Variants in KCTD14 observed in about 807,000 individuals in gnomAD.
The protein encoded by KCTD14 is BTB/POZ domain-containing protein KCTD14.
A neutral mutation model predicts 5.9 loss-of-function variants in KCTD14; 7 were observed. The observed-to-expected ratio is 1.19, with a 90% CI of 0.68 to 2.23. The LOEUF (loss-of-function observed/expected upper bound fraction) is 2.23, where lower values mean the gene tolerates loss of function less well. KCTD14 is among the 30% of genes most tolerant of loss of function. KCTD14 has a pLI of 0.00. For missense variants in KCTD14, 342 were observed against 332.2 expected (o/e 1.03, Z -0.23); for synonymous variants, 140 against 133.1 (o/e 1.05, Z -0.36).
intron 2 of KCTD14, among the ~76,000 whole-genome samples, chr11:78,036,542 T>C (rs1374945326): frequency 6.6e-6 from 1 of 152,244 alleles, no homozygotes; most frequent in Non-Finnish European, 1.5e-5. Context: ...TCAAAACCCA[T>C]ATACATCTGG....
chr11:78,038,877 A>G, intron 1 of KCTD14: 1 of 1,189,524 alleles, frequency 8.4e-7, no homozygotes. Context: ...CTGGATGGCT[A>G]CTGCTGCTGT....
At chr11:78,019,991 T>C (rs1184279591) in intron 1 of KCTD14, among the ~76,000 whole-genome samples, 1 of 152,228 alleles carries the variant, frequency 6.6e-6, no homozygotes, top group Non-Finnish European at 1.5e-5. Context: ...AAATGTATGT[T>C]GGGCCTATTA....
At chr11:78,033,163 C>G (rs1270549605) in intron 2 of KCTD14, among the ~76,000 whole-genome samples, 3 of 152,188 alleles carry the variant, frequency 2.0e-5, no homozygotes, top group Non-Finnish European at 4.4e-5. Flanking sequence ...CATGAGGTAC[C>G]ATTTCCATTC....
At chr11:78,042,533 A>C (rs1244501145) in intron 1 of KCTD14, among the ~76,000 whole-genome samples, 1 of 151,974 alleles carries the variant, frequency 6.6e-6, no homozygotes, top group Non-Finnish European at 1.5e-5. Flanking sequence ...TAGAAGAAAG[A>C]GAAAAGAAAA....
At chr11:78,018,399 G>GA (rs200847985) in intron 1 of KCTD14, among the ~76,000 whole-genome samples, 7 of 151,274 alleles carry the variant, frequency 4.6e-5, no homozygotes, top group African/African-American at 9.7e-5. Context: ...TAGATTTAAG[G>GA]AAAAAAAATT....
intron 1 of KCTD14, among the ~76,000 whole-genome samples, chr11:78,040,095 C>T (rs962757790): frequency 3.3e-5 from 5 of 152,156 alleles, no homozygotes; most frequent in Non-Finnish European, 1.5e-5. Flanking sequence ...TGTTTTTGCC[C>T]CATGTTCAGA....
chr11:78,017,373 A>C, intron 1 of KCTD14, 103 bp from the exon 2 acceptor site: 1 of 1,387,762 alleles, frequency 7.2e-7, no homozygotes, highest in South Asian at 1.6e-5. Context: ...GGGGAGCCAT[A>C]ATGATTGGCT....
At chr11:78,026,087 A>G (rs991659578), upstream of KCTD14, among the ~76,000 whole-genome samples, 1 of 152,176 alleles carries the variant, frequency 6.6e-6, no homozygotes, top group Non-Finnish European at 1.5e-5. Flanking sequence ...GGATGTCCTC[A>G]GGTCATGTGC....
rs762318610 is a variant in KCTD14 at position 78,016,934 on chromosome 11, G to T, written c.427C>A (p.Pro143Thr). 1.2e-6 allele frequency: 2 copies of T among 1,614,208 alleles called. No individual in the cohort carries two copies. The highest frequency in any genetic ancestry group is 2.2e-5 in the South Asian group (2 of 91,084). The change falls in exon 2 of 2, where the codon CCG (proline) becomes ACG (threonine). Residue 143 changes from proline to threonine, a missense_variant. Transcript: ENST00000353172. The stretch of plus-strand genomic sequence containing the variant: ...AGCTCCAGGTTCTCGCTGTAGCCCG[G>T]CACTTGCAGCAAAAACTGCTTCCGA... ...VSRKQFLLQVPGYSENLELMV... is the reference protein window; with the variant it reads ...VSRKQFLLQVTGYSENLELMV...
At chr11:78,043,973 C>T (rs1000911355) in intron 1 of KCTD14, among the ~76,000 whole-genome samples, 5 of 152,118 alleles carry the variant, frequency 3.3e-5, no homozygotes, top group African/African-American at 1.2e-4. Context: ...AGTTGCTGAT[C>T]CTAAAGTGAA....
At chr11:78,041,774 C>G (rs1857999028) in intron 1 of KCTD14, among the ~76,000 whole-genome samples, 1 of 152,226 alleles carries the variant, frequency 6.6e-6, no homozygotes. Context: ...TGCTCCTGAT[C>G]CAGCGAGACT....
At chr11:78,034,901 G>A (rs1857743564) in intron 2 of KCTD14, among the ~76,000 whole-genome samples, 1 of 152,004 alleles carries the variant, frequency 6.6e-6, no homozygotes, top group African/African-American at 2.4e-5. Context: ...TTTGCTTCGG[G>A]GGCCACCCTC....
At chr11:78,026,586 T>C (rs1281367622), upstream of KCTD14, among the ~76,000 whole-genome samples, 3 of 151,606 alleles carry the variant, frequency 2.0e-5, no homozygotes, top group African/African-American at 7.3e-5. Context: ...CTGGGCAACA[T>C]GGTGAGTCCC....
intron 1 of KCTD14, among the ~76,000 whole-genome samples, chr11:78,017,934 T>TA (rs1259827136): frequency 8.6e-5 from 13 of 151,578 alleles, no homozygotes; most frequent in Admixed American, 3.9e-4. Flanking sequence ...CTGTTTCTAC[T>TA]AAAAATACAA....
chr11:78,042,754 C>T (rs1591198635), intron 1 of KCTD14, among the ~76,000 whole-genome samples: 1 of 152,178 alleles, frequency 6.6e-6, no homozygotes, highest in East Asian at 1.9e-4. Context: ...GAAAAGTTCT[C>T]TCTCCTGCAG....
At chr11:78,032,128 T>A (rs1371468088) in intron 2 of KCTD14, among the ~76,000 whole-genome samples, 4 of 152,212 alleles carry the variant, frequency 2.6e-5, no homozygotes, top group African/African-American at 9.6e-5. Context: ...GGAGGCCCTG[T>A]ACTGTCAGTG....
At chr11:78,019,339 C>A (rs959104335) in intron 1 of KCTD14, among the ~76,000 whole-genome samples, 2 of 151,902 alleles carry the variant, frequency 1.3e-5, no homozygotes, top group Non-Finnish European at 2.9e-5. Context: ...TTAAGAGATG[C>A]GGTCTTGCTC....
chr11:78,041,286 C>T (rs1857986959), intron 1 of KCTD14, among the ~76,000 whole-genome samples: 2 of 152,112 alleles, frequency 1.3e-5, no homozygotes, highest in South Asian at 2.1e-4. Flanking sequence ...ATGCTGGAGA[C>T]CCAAGAACAC....
chr11:78,025,980 T>C (rs1857452556), upstream of KCTD14, among the ~76,000 whole-genome samples: 1 of 152,196 alleles, frequency 6.6e-6, no homozygotes, highest in African/African-American at 2.4e-5. Context: ...GACAACAGTA[T>C]GTGCTTGCTG....
Sources: allele counts gnomAD v4.1 joint callset (sites outside exome capture counted in the v4.1 genomes callset), GRCh38; gene constraint gnomAD v4.1.1; transcripts MANE v1.5; gene names NCBI Gene and HGNC (gene_info 2026-07-23, HGNC 2026-07-21).